The following EPS15L1 variants were observed in gnomAD, a reference collection of about 807,000 sequenced individuals.
EPS15L1 encodes the protein epidermal growth factor receptor pathway substrate 15 like 1, also known as epidermal growth factor receptor substrate 15-like 1.
EPS15L1 carries 43 observed loss-of-function variants against 117.1 expected under a neutral mutation model. The observed-to-expected ratio is 0.37, with a 90% CI of 0.29 to 0.47. The LOEUF (loss-of-function observed/expected upper bound fraction) is 0.47, where lower values mean the gene tolerates loss of function less well. Among genes scored for constraint, EPS15L1 ranks in the 20% least tolerant of loss-of-function variants. EPS15L1 has a pLI of 0.99. For synonymous variants in EPS15L1, 459 were observed against 470.5 expected (o/e 0.98, Z 0.32); for missense variants, 981 against 1,164.0 (o/e 0.84, Z 2.29).
At chr19:16,429,215 A>G (rs2092906318) in intron 7 of EPS15L1, among the ~76,000 whole-genome samples, 1 of 151,628 alleles carries the variant, frequency 6.6e-6, no homozygotes. Context: ...TCTCGTCTCC[A>G]CTCCCCAGCA....
At chr19:16,416,130 G>A (rs1388174361) in intron 12 of EPS15L1, among the ~76,000 whole-genome samples, 1 of 152,192 alleles carries the variant, frequency 6.6e-6, no homozygotes, top group African/African-American at 2.4e-5. Flanking sequence ...ACAAAACCAA[G>A]GCCAGAGGAG....
intron 9 of EPS15L1, among the ~76,000 whole-genome samples, 162 bp downstream of exon 9, chr19:16,424,920 CA>C (rs2092854212): frequency 6.6e-6 from 1 of 152,090 alleles, no homozygotes; most frequent in Admixed American, 6.6e-5. Context: ...CTCGGCCTCC[CA>C]AAGTGCTGGG....
At chr19:16,376,029 A>G (rs1270628544) in intron 22 of EPS15L1, among the ~76,000 whole-genome samples, 1 of 152,232 alleles carries the variant, frequency 6.6e-6, no homozygotes, top group African/African-American at 2.4e-5. Flanking sequence ...AAGTGAGGCC[A>G]GTGGCAGATT....
chr19:16,431,707 C>G (rs2092929736), intron 7 of EPS15L1, among the ~76,000 whole-genome samples: 1 of 152,096 alleles, frequency 6.6e-6, no homozygotes, highest in Non-Finnish European at 1.5e-5. Context: ...TGAATGTTCC[C>G]AACACAAAGA....
In EPS15L1 at chr19:16,355,601, C is replaced by T; in HGVS notation, c.*104G>A. The T allele has an allele frequency of 1.4e-6, 2 of 1,388,576 alleles. No homozygotes were observed. The highest frequency in any genetic ancestry group is 1.4e-5 in the South Asian group (1 of 71,154). The allele number at this position is 1,388,576 out of a possible 1,614,324, so 86.0% of individuals were successfully genotyped here. A position where few individuals can be genotyped will look rare whatever the true frequency, so the allele number is the denominator to read the frequency against. The stretch of plus-strand genomic sequence containing the variant: ...CTGAACAAGCCCCCGAGTCCCGGTC[C>T]TTGGAGTACGGTGGCGACGGTGTGT... On this transcript the variant is annotated 3_prime_UTR_variant, in exon 24 of 24. Coordinates refer to ENST00000455140, the MANE Select transcript of EPS15L1 (RefSeq NM_001258374.3).
Position 16,370,102 on chromosome 19 carries a change from A to C in EPS15L1, c.2380+7020T>G, listed in dbSNP as rs2092200038. ...AAAGCTGGTTAGGGGTCGTGCATGA[A>C]AGGACCCAAAAGAGCCCCTGGGAGG... On this transcript the variant is annotated intron_variant, in intron 22 of 23. Transcript: ENST00000455140. The surrounding 1 kb of genome is among the most constrained non-coding windows in gnomAD (Gnocchi z 5.2). Among the ~76,000 whole-genome samples, 1 of 152,160 alleles carries C rather than the reference A, an allele frequency of 6.6e-6. No homozygotes were observed. Among genetic ancestry groups the C allele is most frequent in the Non-Finnish European group, 1.5e-5 (1 of 68,020 alleles).
At position 16,377,084 on chromosome 19, in the gene EPS15L1, C is replaced by G. The variant is rs370656858; in HGVS notation, c.2380+38G>C. ...GCCCTGGTCCCCCGCCATCCGGCAC[C>G]GGTAGGCGGTGGCTGCGAGAGAAGA... On this transcript the variant is annotated intron_variant, in intron 22 of 23. Transcript: ENST00000455140. 1.1e-5 allele frequency: 17 copies of G among 1,566,498 alleles called. No individual in the cohort carries two copies. In the South Asian group the frequency reaches 1.8e-4, roughly 16 times the overall value.
chr19:16,440,739 T>C lies in EPS15L1; in HGVS notation c.213+123A>G, dbSNP rs1408149418. 7.6e-6 allele frequency: 6 copies of C among 790,920 alleles called. No homozygotes were observed. In the Admixed American group the frequency reaches 1.1e-4, roughly 15 times the overall value. 49.0% of individuals were successfully genotyped at this position (790,920 alleles called of 1,614,324 possible). A position where few individuals can be genotyped will look rare whatever the true frequency, so the allele number is the denominator to read the frequency against. ...AAATGAAAACTTCCCGTGTTAAGTT[T>C]GACAGCCGTGCTCATGCCTAGTAAT... On this transcript the variant is annotated intron_variant, in intron 4 of 23. Coordinates refer to ENST00000455140, the MANE Select transcript of EPS15L1 (RefSeq NM_001258374.3).
intron 22 of EPS15L1, among the ~76,000 whole-genome samples, chr19:16,376,087 G>A (rs923805392): frequency 3.9e-5 from 6 of 152,126 alleles, no homozygotes; most frequent in Admixed American, 6.5e-5. Flanking sequence ...CACTTCCCTC[G>A]CTGGAGCTGA....
At chr19:16,423,347 C>T (rs2092836522) in intron 9 of EPS15L1, among the ~76,000 whole-genome samples, 1 of 152,158 alleles carries the variant, frequency 6.6e-6, no homozygotes, top group African/African-American at 2.4e-5. Context: ...AGGAGGATCC[C>T]TCAAGCCCAG....
At chr19:16,402,100 C>G in intron 16 of EPS15L1, 1 of 1,322,294 alleles carries the variant, frequency 7.6e-7, no homozygotes, top group Non-Finnish European at 9.6e-7. Context: ...GGATCCAGGC[C>G]TATCTTGGAC....
chr19:16,409,440 G>C (rs2092686444), intron 13 of EPS15L1, among the ~76,000 whole-genome samples: 1 of 152,098 alleles, frequency 6.6e-6, no homozygotes, highest in Non-Finnish European at 1.5e-5. Flanking sequence ...TTTGGTAATG[G>C]GTTCTCAGCT....
chr19:16,458,425 C>T (rs887703736), intron 1 of EPS15L1, among the ~76,000 whole-genome samples: 10 of 152,112 alleles, frequency 6.6e-5, no homozygotes, highest in Admixed American at 6.6e-4. Flanking sequence ...AGGACAGGGG[C>T]TCTGTCCTGA....
chr19:16,377,246 A>C lies in EPS15L1; in HGVS notation c.2256T>G (p.Pro752=), dbSNP rs2144701835. The C allele has an allele frequency of 1.9e-6, 3 of 1,609,804 alleles. No homozygotes were observed. The highest frequency in any genetic ancestry group is 1.7e-4 in the Middle Eastern group (1 of 5,910). The change falls in exon 22 of 24, where the codon CCT becomes CCG. Residue 752 remains proline, a synonymous_variant. Transcript: ENST00000455140. ...ADFSQMSKPP[P]SGPFTSSLGG... is the part of the protein sequence containing the mutation. ...CCAAGGAGGAGGTGAAAGGGCCAGA[A>C]GGTGGGGGCTGTAAGAGAGGACATG...
intron 12 of EPS15L1, among the ~76,000 whole-genome samples, chr19:16,416,374 G>A (rs1024570997): frequency 2.0e-5 from 3 of 152,020 alleles, no homozygotes; most frequent in South Asian, 2.1e-4. Flanking sequence ...AGTGGCTCAC[G>A]CCTGTAATCC....
Position 16,434,486 on chromosome 19 carries a change from T to C in EPS15L1, c.377A>G (p.Glu126Gly). 2 of 1,613,716 alleles carry C rather than the reference T, an allele frequency of 1.2e-6. No homozygotes were observed. Among genetic ancestry groups the C allele is most frequent in the Non-Finnish European group, 1.7e-6 (2 of 1,179,800 alleles). Residue 126 changes from glutamate to glycine, a missense_variant, in exon 7 of 24, where the codon GAA becomes GGA. By Grantham distance (98) the Glu-to-Gly change is moderately conservative. Transcript: ENST00000455140. ...SAEAHWAVRV[E>G]EKAKFDGIFE... ...AATCCCATCAAATTTGGCCTTTTCT[T>C]CCACCTAGTTGGAAAGAAATAGCCC...
intron 16 of EPS15L1, chr19:16,402,117 C>T (rs1036696323): frequency 7.4e-7 from 1 of 1,349,790 alleles, no homozygotes; most frequent in African/African-American, 1.5e-5. Context: ...GGACTTTGTT[C>T]TGGAAGCCAG....
At chr19:16,437,722 C>G (rs374890324) in intron 5 of EPS15L1, 48 bp downstream of exon 5, 29 of 1,346,848 alleles carry the variant, frequency 2.2e-5, no homozygotes, top group Non-Finnish European at 3.0e-5. Flanking sequence ...CACACACACA[C>G]ACATCTGGTA....
In EPS15L1 at chr19:16,404,022, C is replaced by G; in HGVS notation, c.1429-92G>C. ...GAACTCTTAGCCCCCATCCCCGAAACAAGCTAAGCCAGGGACGCAGACACC... is the reference window on the plus strand; with the variant it reads ...GAACTCTTAGCCCCCATCCCCGAAAGAAGCTAAGCCAGGGACGCAGACACC... On this transcript the variant is annotated intron_variant, in intron 14 of 23. Coordinates refer to ENST00000455140, the MANE Select transcript of EPS15L1 (RefSeq NM_001258374.3). The surrounding 1 kb of genome is among the most constrained non-coding windows in gnomAD (Gnocchi z 4.2). The G allele has an allele frequency of 1.6e-6, 2 of 1,252,366 alleles. No individual in the cohort carries two copies. The highest frequency in any genetic ancestry group is 2.2e-6 in the Non-Finnish European group (2 of 890,980). 77.6% of individuals were successfully genotyped at this position (1,252,366 alleles called of 1,614,324 possible).
Sources: allele counts gnomAD v4.1 joint callset (sites outside exome capture counted in the v4.1 genomes callset), GRCh38; gene constraint gnomAD v4.1.1; non-coding constraint Gnocchi (gnomAD v3.1); transcripts MANE v1.5; gene names NCBI Gene and HGNC (gene_info 2026-07-23, HGNC 2026-07-21).